Variants in EIF4G3 observed in about 807,000 individuals in gnomAD.
EIF4G3 encodes the protein eukaryotic translation initiation factor 4 gamma 3.
In EIF4G3, 34 loss-of-function variants were observed where a neutral mutation model predicts 186.4. That is an observed-to-expected ratio of 0.18 (90% confidence interval 0.14 to 0.24). The LOEUF is 0.24. EIF4G3 is among the 10% of genes least tolerant of loss of function. The pLI, the probability that EIF4G3 is intolerant of heterozygous loss-of-function variation, is 1.00. For synonymous variants in EIF4G3, 673 were observed against 679.5 expected, an observed-to-expected ratio of 0.99 and a Z score of 0.15; for missense variants, 1,536 against 1,948.5, an observed-to-expected ratio of 0.79 and a Z score of 3.99.
chr1:21,052,565 CTCTCCCTCTCCCTCTCCCCACGG>C (rs1348241682), intron 3 of EIF4G3, among the ~76,000 whole-genome samples: 12 of 151,944 alleles, frequency 7.9e-5, no homozygotes, highest in Non-Finnish European at 1.2e-4. Flanking sequence ...CCTCCTCTCC[CTCTCCCTCTCCCTCTCCCCACGG>C]TCTCCCTCTC....
At chr1:21,008,293 G>A (rs575661962) in intron 4 of EIF4G3, among the ~76,000 whole-genome samples, 48 of 152,106 alleles carry the variant, frequency 3.2e-4, no homozygotes, top group Middle Eastern at 3.4e-3. Context: ...GGCTATGTGC[G>A]TAAATAAGGC....
rs763586728 is a variant in EIF4G3 at position 20,899,804 on chromosome 1, T to C, written c.1892A>G (p.Glu631Gly). The change falls in exon 16 of 37, where the codon GAG becomes GGG. Residue 631 changes from glutamate to glycine, a missense_variant. By Grantham distance (98) the Glu-to-Gly change is moderately conservative. Around this residue, in one of 11 missense-constraint regions of EIF4G3, gnomAD observed 560 missense variants for 547.8 expected, o/e 1.02. Transcript: ENST00000602326. ...KAVEENGEEA[E>G]PVRNGAESVS... ...ACTCTCAGCACCATTACGTACTGGC[T>C]CAGCTTCTTCTCCATTTTCTTCCAC... The C allele has an allele frequency of 6.2e-7, 1 of 1,614,144 alleles. No individual in the cohort carries two copies. The highest frequency in any genetic ancestry group is 8.5e-7 in the Non-Finnish European group (1 of 1,180,016).
chr1:20,963,056 T>C (rs1167237477), intron 12 of EIF4G3, among the ~76,000 whole-genome samples: 2 of 151,958 alleles, frequency 1.3e-5, no homozygotes, highest in African/African-American at 4.8e-5. Flanking sequence ...CCAGATTGCA[T>C]ATTTGTGTCT....
intron 2 of EIF4G3, among the ~76,000 whole-genome samples, chr1:21,160,988 T>C (rs2097757641): frequency 2.0e-5 from 3 of 152,130 alleles, no homozygotes; most frequent in Non-Finnish European, 2.9e-5. Context: ...CTGACCAACA[T>C]GGTGAAACCC....
chr1:21,142,018 C>T (rs778047122), intron 2 of EIF4G3, among the ~76,000 whole-genome samples: 5 of 151,870 alleles, frequency 3.3e-5, no homozygotes, highest in Admixed American at 6.6e-5. Flanking sequence ...GAGAATTTAG[C>T]GTGGCACACT....
chr1:21,019,486 T>G (rs1283143938), intron 4 of EIF4G3, among the ~76,000 whole-genome samples: 1 of 152,206 alleles, frequency 6.6e-6, no homozygotes, highest in South Asian at 2.1e-4. Flanking sequence ...CAACATTTAA[T>G]AGTCTGCACA....
intron 12 of EIF4G3, among the ~76,000 whole-genome samples, chr1:20,966,159 G>T (rs2154565127): frequency 6.6e-6 from 1 of 152,184 alleles, no homozygotes; most frequent in East Asian, 1.9e-4. Flanking sequence ...GGAAAGGCTT[G>T]GTTATCCACA....
At chr1:20,957,590 A>C (rs1363628807) in intron 12 of EIF4G3, among the ~76,000 whole-genome samples, 1 of 152,052 alleles carries the variant, frequency 6.6e-6, no homozygotes, top group Non-Finnish European at 1.5e-5. Flanking sequence ...AACAAACAAA[A>C]AAAGCATTAC....
intron 2 of EIF4G3, among the ~76,000 whole-genome samples, chr1:21,139,485 G>A (rs2097302902): frequency 1.3e-5 from 2 of 152,056 alleles, no homozygotes; most frequent in South Asian, 4.2e-4. Context: ...TAAACAATAG[G>A]CTCTAAATCC....
intron 3 of EIF4G3, among the ~76,000 whole-genome samples, chr1:21,062,105 C>CTGAA (rs1357550799): frequency 2.0e-5 from 3 of 151,948 alleles, no homozygotes; most frequent in African/African-American, 7.3e-5. Context: ...GTCACTCAGG[C>CTGAA]TGAAGCATAG....
chr1:20,861,447 G>C (rs1169932426), intron 23 of EIF4G3, among the ~76,000 whole-genome samples: 2 of 152,112 alleles, frequency 1.3e-5, no homozygotes, highest in African/African-American at 4.8e-5. Flanking sequence ...CAGGAAAAAC[G>C]AAAGAGAAGA....
chr1:21,009,984 A>G (rs1454517011), intron 4 of EIF4G3, among the ~76,000 whole-genome samples: 1 of 152,070 alleles, frequency 6.6e-6, no homozygotes, highest in Non-Finnish European at 1.5e-5. Context: ...TACACAACCA[A>G]TGCAAATAGA....
At chr1:20,891,769 G>A (rs2086163588) in intron 18 of EIF4G3, among the ~76,000 whole-genome samples, 1 of 149,546 alleles carries the variant, frequency 6.7e-6, no homozygotes, top group African/African-American at 2.5e-5. Context: ...CAGCCTGGGC[G>A]ACAGAGCGAC....
At chr1:20,968,797 G>A (rs2075249050) in intron 12 of EIF4G3, among the ~76,000 whole-genome samples, 1 of 152,140 alleles carries the variant, frequency 6.6e-6, no homozygotes, top group South Asian at 2.1e-4. Flanking sequence ...AAGTAATTTA[G>A]AGATTATTTA....
At chr1:21,009,759 A>G (rs2086436726) in intron 4 of EIF4G3, among the ~76,000 whole-genome samples, 1 of 151,784 alleles carries the variant, frequency 6.6e-6, no homozygotes, top group South Asian at 2.1e-4. Flanking sequence ...GGTTCAAGGG[A>G]TTCTTCTGCC....
At chr1:21,073,635 C>T in intron 3 of EIF4G3, 1 of 520,286 alleles carries the variant, frequency 1.9e-6, no homozygotes, top group Non-Finnish European at 3.8e-6. Flanking sequence ...GCACACGCCA[C>T]ATGCAGATTT....
At chr1:20,927,814 T>C (rs1440886592) in intron 14 of EIF4G3, among the ~76,000 whole-genome samples, 1 of 152,208 alleles carries the variant, frequency 6.6e-6, no homozygotes, top group Non-Finnish European at 1.5e-5. Flanking sequence ...GGATATTTCA[T>C]ATCTGTGACA....
At chr1:20,815,817 G>A (rs1254289484) in intron 34 of EIF4G3, among the ~76,000 whole-genome samples, 5 of 124,742 alleles carry the variant, frequency 4.0e-5, no homozygotes, top group African/African-American at 9.1e-5. Flanking sequence ...CGCCCAGTCC[G>A]GGAGGGAGGT....
chr1:21,059,875 GA>G (rs1429410310), intron 3 of EIF4G3, among the ~76,000 whole-genome samples: 1 of 152,202 alleles, frequency 6.6e-6, no homozygotes, highest in African/African-American at 2.4e-5. Flanking sequence ...AAACGAATAA[GA>G]AAGAAGCACT....
Sources: allele counts gnomAD v4.1 joint callset (sites outside exome capture counted in the v4.1 genomes callset), GRCh38; gene constraint gnomAD v4.1.1; regional missense constraint gnomAD v4.1.1; transcripts MANE v1.5; gene names NCBI Gene and HGNC (gene_info 2026-07-23, HGNC 2026-07-21).